OXR1: variants seen among roughly 807,000 people sequenced by gnomAD.
The protein encoded by OXR1 is oxidation resistance protein 1.
A neutral mutation model predicts 104.6 loss-of-function variants in OXR1; 41 were observed. The ratio of observed to expected loss-of-function variants is 0.39; its 90% CI spans 0.31 to 0.51. The LOEUF (loss-of-function observed/expected upper bound fraction) is 0.51, where lower values mean the gene tolerates loss of function less well. Ranked by LOEUF, OXR1 falls within the 20% of genes least tolerant of loss-of-function variation. The probability of loss-of-function intolerance (pLI) is 0.77; values close to 1 mark genes in which losing one functional copy is unlikely to be tolerated. For synonymous variants in OXR1, 348 were observed against 348.4 expected (o/e 1.00, Z 0.01); for missense variants, 955 against 1,031.9 (o/e 0.93, Z 1.02).
chr8:106,535,910 T>C (rs574617622), intron 3 of OXR1, among the ~76,000 whole-genome samples: 23 of 152,046 alleles, frequency 1.5e-4, no homozygotes, highest in African/African-American at 5.5e-4. Flanking sequence ...ATTGGATGAG[T>C]AGTTATAAAG....
intron 3 of OXR1, among the ~76,000 whole-genome samples, chr8:106,659,670 G>A (rs1825550052): frequency 6.6e-6 from 1 of 152,172 alleles, no homozygotes; most frequent in Non-Finnish European, 1.5e-5. Context: ...AAAGGAATAT[G>A]GTTAGTATTT....
chr8:106,587,719 T>A (rs2130672258), intron 3 of OXR1, among the ~76,000 whole-genome samples: 1 of 152,268 alleles, frequency 6.6e-6, no homozygotes, highest in East Asian at 1.9e-4. Context: ...CCTTCCCTCC[T>A]CTTCATGAAA....
rs1381597578 is a variant in OXR1, at chr8:106,270,267, C to T, written c.-239C>T. 1 of 151,924 alleles carries T rather than the reference C, an allele frequency of 6.6e-6. No homozygotes were observed. The highest frequency in any genetic ancestry group is 1.5e-5 in the Non-Finnish European group (1 of 68,008). The allele number at this position is 151,924 out of a possible 1,614,324, so 9.4% of individuals were successfully genotyped here. On this transcript the variant is annotated 5_prime_UTR_variant, in exon 1 of 17. Transcript: ENST00000517566. ...CCCATTCACCTCGCGGCCACAGGAGCTCAGCGCCGGCGCCGCGCCGCCCAG... is the reference window on the plus strand; with the variant it reads ...CCCATTCACCTCGCGGCCACAGGAGTTCAGCGCCGGCGCCGCGCCGCCCAG...
chr8:106,637,568 T>C (rs1823246327), intron 3 of OXR1, among the ~76,000 whole-genome samples: 1 of 152,166 alleles, frequency 6.6e-6, no homozygotes, highest in Admixed American at 6.5e-5. Context: ...GGTACATTCT[T>C]CCAACCTTGG....
intron 2 of OXR1, among the ~76,000 whole-genome samples, chr8:106,490,050 A>C (rs939077632): frequency 6.6e-6 from 1 of 152,128 alleles, no homozygotes; most frequent in East Asian, 1.9e-4. Context: ...AAATACCACA[A>C]ATCTTTATTG....
At chr8:106,489,179 T>C (rs371506000) in intron 2 of OXR1, among the ~76,000 whole-genome samples, 2,317 of 150,952 alleles carry the variant, frequency 0.015, 54 homozygotes, top group African/African-American at 0.054. Flanking sequence ...TTATTCTCTT[T>C]GAAGCAATTG....
At chr8:106,628,440 A>G (rs1467279507) in intron 3 of OXR1, among the ~76,000 whole-genome samples, 1 of 152,166 alleles carries the variant, frequency 6.6e-6, no homozygotes, top group Non-Finnish European at 1.5e-5. Context: ...GAGGTCAGGC[A>G]ACTTTCCCAA....
intron 11 of OXR1, among the ~76,000 whole-genome samples, chr8:106,728,386 AG>A (rs1394507147): frequency 6.6e-6 from 1 of 152,156 alleles, no homozygotes; most frequent in Admixed American, 6.5e-5. Context: ...ATTATCACTG[AG>A]GTATCTATAG....
At chr8:106,291,148 G>C (rs1315842090) in intron 1 of OXR1, among the ~76,000 whole-genome samples, 1 of 152,176 alleles carries the variant, frequency 6.6e-6, no homozygotes, top group Non-Finnish European at 1.5e-5. Flanking sequence ...ACAGCAACAT[G>C]GATGGAGATG....
chr8:106,382,113 A>G (rs567001199), intron 2 of OXR1, among the ~76,000 whole-genome samples: 8 of 152,248 alleles, frequency 5.3e-5, no homozygotes, highest in Non-Finnish European at 8.8e-5. Context: ...AGCAGAAATC[A>G]GGAGACCCAG....
In OXR1 at chr8:106,707,167, A is replaced by C. The variant is rs1472494014; in HGVS notation, c.1624+22A>C. The stretch of plus-strand genomic sequence containing the variant: ...GAAAGTAAGTGTTATAGAGTAAATG[A>C]AGTTAGTTCATCCAATTGTATGGTG... On this transcript the variant is annotated intron_variant, in intron 9 of 16. Coordinates refer to ENST00000517566, the MANE Select transcript of OXR1 (RefSeq NM_001198533.2). The C allele has an allele frequency of 1.9e-6, 3 of 1,607,314 alleles. No individual in the cohort carries two copies. The Admixed American group carries it at 5.0e-5, about 27-fold the overall frequency.
intron 2 of OXR1, among the ~76,000 whole-genome samples, chr8:106,508,407 A>AT (rs1409759619): frequency 6.6e-6 from 1 of 152,190 alleles, no homozygotes; most frequent in Non-Finnish European, 1.5e-5. Context: ...GGAGCACTAC[A>AT]TAGCTTTCAT....
intron 7 of OXR1, chr8:106,697,705 T>C: frequency 1.2e-6 from 2 of 1,614,074 alleles, no homozygotes; most frequent in East Asian, 4.5e-5. Context: ...GTTAATGCCA[T>C]AGCGCTCAGC....
intron 2 of OXR1, among the ~76,000 whole-genome samples, chr8:106,374,250 AC>A (rs1277571194): frequency 6.6e-6 from 1 of 152,184 alleles, no homozygotes; most frequent in African/African-American, 2.4e-5. Context: ...TCTGGGAAAT[AC>A]ACCATAGTGT....
intron 3 of OXR1, among the ~76,000 whole-genome samples, chr8:106,591,649 C>CT (rs1337388221): frequency 6.6e-6 from 1 of 152,122 alleles, no homozygotes. Flanking sequence ...AAACATAACA[C>CT]AGCTGGGAAT....
intron 16 of OXR1, among the ~76,000 whole-genome samples, chr8:106,749,788 A>G (rs1835722473): frequency 6.6e-6 from 1 of 152,104 alleles, no homozygotes; most frequent in Non-Finnish European, 1.5e-5. Flanking sequence ...CTCCTCTTCT[A>G]TTAGGTAGGA....
chr8:106,459,472 T>C (rs1321931740), intron 2 of OXR1, among the ~76,000 whole-genome samples: 1 of 152,122 alleles, frequency 6.6e-6, no homozygotes, highest in Non-Finnish European at 1.5e-5. Flanking sequence ...TATTTTTCCA[T>C]TATAGCAATA....
At chr8:106,729,806 A>G (rs1833708760) in intron 11 of OXR1, 1 of 152,194 alleles carries the variant, frequency 6.6e-6, no homozygotes, top group Admixed American at 6.5e-5. Flanking sequence ...GTGGTCTTCC[A>G]GTGAAGACCA....
chr8:106,381,519 C>A (rs539472012), intron 2 of OXR1, among the ~76,000 whole-genome samples: 64 of 152,208 alleles, frequency 4.2e-4, no homozygotes, highest in African/African-American at 1.3e-3. Flanking sequence ...GAATACAGAA[C>A]TCACAGGGAG....
Sources: allele counts gnomAD v4.1 joint callset (sites outside exome capture counted in the v4.1 genomes callset), GRCh38; gene constraint gnomAD v4.1.1; transcripts MANE v1.5; gene names NCBI Gene and HGNC (gene_info 2026-07-23, HGNC 2026-07-21).